YWHAG: variants seen among roughly 807,000 people sequenced by gnomAD.
YWHAG encodes the protein tyrosine 3-monooxygenase/tryptophan 5-monooxygenase activation protein gamma.
A neutral mutation model predicts 23.3 loss-of-function variants in YWHAG; 1 was observed. That is an observed-to-expected ratio of 0.04 (90% confidence interval 0.02 to 0.20). The LOEUF (loss-of-function observed/expected upper bound fraction) is 0.20, where lower values mean the gene tolerates loss of function less well. Among genes scored for constraint, YWHAG ranks in the 10% least tolerant of loss-of-function variants. The pLI is 1.00. For synonymous variants in YWHAG, 160 were observed against 144.0 expected (o/e 1.11, Z -0.80); for missense variants, 151 against 338.6 (o/e 0.45, Z 4.35).
intron 1 of YWHAG, among the ~76,000 whole-genome samples, chr7:76,338,443 G>C (rs1013641786): frequency 2.0e-5 from 3 of 152,014 alleles, no homozygotes; most frequent in Non-Finnish European, 1.5e-5. Flanking sequence ...CCACAAGGTG[G>C]GTATTACACT....
rs936153480 is a variant in YWHAG at position 76,358,959 on chromosome 7, C to A, written c.-151G>T. On this transcript the variant is annotated 5_prime_UTR_variant, in exon 1 of 2. Transcript: ENST00000307630. The stretch of plus-strand genomic sequence containing the variant: ...GGCTGCGCGGAGGAGGCGGCTGGAG[C>A]TGCGACCGCGGGACCGGGCGCGAGG... 5 of 648,940 alleles carry A rather than the reference C, an allele frequency of 7.7e-6. No homozygotes were observed. Among genetic ancestry groups the A allele is most frequent in the African/African-American group, 7.7e-5 (4 of 52,200 alleles). 40.2% of individuals were successfully genotyped at this position (648,940 alleles called of 1,614,324 possible).
intron 1 of YWHAG, among the ~76,000 whole-genome samples, chr7:76,331,881 T>G (rs997575174): frequency 6.6e-5 from 10 of 151,994 alleles, no homozygotes; most frequent in African/African-American, 2.2e-4. Context: ...ACGGGGGGTA[T>G]GCTTGGCAAA....
Position 76,329,703 on chromosome 7 carries a change from G to A in YWHAG, c.618C>T (p.Ala206=), listed in dbSNP as rs374125541. 7.2e-5 allele frequency: 117 copies of A among 1,614,108 alleles called. No homozygotes were observed. The highest frequency in any genetic ancestry group is 8.9e-5 in the East Asian group (4 of 44,898). ...LAKTAFDDAI[A]ELDTLNEDSY... is the part of the protein sequence containing the mutation. ...AGTCCTCGTTGAGGGTGTCAAGCTC[G>A]GCGATGGCGTCGTCGAACGCGGTCT... The change falls in exon 2 of 2, where the codon GCC becomes GCT. Residue 206 remains alanine, a synonymous_variant. Transcript: ENST00000307630. The surrounding 1 kb of genome is among the most constrained non-coding windows in gnomAD (Gnocchi z 6.1).
rs757708675 is a variant in YWHAG at position 76,329,931 on chromosome 7, G to A, written c.390C>T (p.Tyr130=). The A allele has an allele frequency of 1.2e-6, 2 of 1,614,166 alleles. No individual in the cohort carries two copies. Among genetic ancestry groups the A allele is most frequent in the Non-Finnish European group, 1.7e-6 (2 of 1,180,042 alleles). Residue 130 remains tyrosine (Y), a synonymous_variant, in exon 2 of 2, where the codon TAC becomes TAT. Transcript: ENST00000307630. The surrounding 1 kb of genome is among the most constrained non-coding windows in gnomAD (Gnocchi z 6.1). ...TGGCCACTTCAGCCAGGTAGCGGTA[G>A]TAGTCCCCTTTCATCTTCAGGTAGA... ...KVFYLKMKGD[Y]YRYLAEVATG...
intron 1 of YWHAG, among the ~76,000 whole-genome samples, chr7:76,348,876 GAA>G (rs76337176): frequency 6.6e-6 from 1 of 150,952 alleles, no homozygotes; most frequent in Admixed American, 6.6e-5. Context: ...CTTAGACTTT[GAA>G]AAAAAAAATT....
At chr7:76,352,800 C>T (rs968451128) in intron 1 of YWHAG, among the ~76,000 whole-genome samples, 4 of 152,108 alleles carry the variant, frequency 2.6e-5, no homozygotes, top group Non-Finnish European at 4.4e-5. Flanking sequence ...CAGGCATGCG[C>T]CACCATGCCC....
At chr7:76,347,630 T>C (rs948861200) in intron 1 of YWHAG, among the ~76,000 whole-genome samples, 1 of 152,118 alleles carries the variant, frequency 6.6e-6, no homozygotes, top group African/African-American at 2.4e-5. Context: ...TCTACGAAAA[T>C]ATCTTATATA....
At chr7:76,345,209 G>A (rs532807655) in intron 1 of YWHAG, among the ~76,000 whole-genome samples, 21 of 144,564 alleles carry the variant, frequency 1.5e-4, no homozygotes, top group Admixed American at 6.3e-4. Flanking sequence ...TTTTGGAGAC[G>A]GAGTCTCGCT....
At position 76,351,491 on chromosome 7, in the gene YWHAG, TA is replaced by T. The variant is rs549266293; in HGVS notation, c.87+7230del. Among the ~76,000 whole-genome samples the T allele has an allele frequency of 3.7e-3, 567 of 152,318 alleles. 1 individual carries two copies. The highest frequency in any genetic ancestry group is 0.013 in the African/African-American group (549 of 41,582). ...TGAAAATAATAACATCTATTCTCTA[TA>T]GTAGGGGTCCCCAACGGGTCCATGG... On this transcript the variant is annotated intron_variant, in intron 1 of 1. Transcript: ENST00000307630.
At chr7:76,356,613 C>T (rs923882613) in intron 1 of YWHAG, among the ~76,000 whole-genome samples, 1 of 152,156 alleles carries the variant, frequency 6.6e-6, no homozygotes, top group African/African-American at 2.4e-5. Context: ...GTGTCATAAA[C>T]TATATTCTTG....
rs35871141 is a variant in YWHAG at position 76,349,337 on chromosome 7, C to CAA, written c.87+9383_87+9384dup. On this transcript the variant is annotated intron_variant, in intron 1 of 1. Coordinates refer to ENST00000307630, the MANE Select transcript of YWHAG (RefSeq NM_012479.4). ...CTGGGCGACAGAGCAGACTCTGTCT[C>CAA]AAAAAAAAAAAAAAAAATACCAAAA... Among the ~76,000 whole-genome samples the CAA allele has an allele frequency of 2.4e-3, 283 of 118,918 alleles. 1 individual carries two copies. The highest frequency in any genetic ancestry group is 0.017 in the East Asian group (74 of 4,458). 78.0% of individuals were successfully genotyped at this position (118,918 alleles called of 152,430 possible). A position where few individuals can be genotyped will look rare whatever the true frequency, so the allele number is the denominator to read the frequency against.
intron 1 of YWHAG, among the ~76,000 whole-genome samples, chr7:76,333,743 G>A (rs183544439): frequency 2.0e-5 from 3 of 152,358 alleles, no homozygotes; most frequent in African/African-American, 7.2e-5. Flanking sequence ...TGCGAATGCT[G>A]AAGACAAACC....
intron 1 of YWHAG, among the ~76,000 whole-genome samples, chr7:76,339,198 G>A (rs866943042): frequency 5.9e-5 from 9 of 151,994 alleles, no homozygotes; most frequent in Admixed American, 1.3e-4. Context: ...GGCTGGGCGC[G>A]GTGGCTCACG....
At chr7:76,332,374 T>C (rs1803558241) in intron 1 of YWHAG, among the ~76,000 whole-genome samples, 1 of 152,214 alleles carries the variant, frequency 6.6e-6, no homozygotes, top group Non-Finnish European at 1.5e-5. Context: ...TAACGGAAGA[T>C]TGGGCTTTTC....
intron 1 of YWHAG, among the ~76,000 whole-genome samples, chr7:76,350,815 C>T (rs1803861868): frequency 6.6e-6 from 1 of 151,942 alleles, no homozygotes; most frequent in African/African-American, 2.4e-5. Context: ...CTGCACTCCA[C>T]CCTGAGCAAT....
chr7:76,352,565 GT>G (rs1350649456), intron 1 of YWHAG, among the ~76,000 whole-genome samples: 1 of 151,892 alleles, frequency 6.6e-6, no homozygotes. Context: ...AAGCCCAAGA[GT>G]TTATTTGGAA....
At chr7:76,355,438 A>G (rs541344603) in intron 1 of YWHAG, among the ~76,000 whole-genome samples, 38 of 152,348 alleles carry the variant, frequency 2.5e-4, no homozygotes, top group African/African-American at 8.9e-4. Flanking sequence ...AAAGCACTTA[A>G]TATCTGCTTC....
In YWHAG at chr7:76,329,498, C is replaced by G; in HGVS notation, c.*79G>C. 4.1e-6 allele frequency: 5 copies of G among 1,215,294 alleles called. No homozygotes were observed. The highest frequency in any genetic ancestry group is 1.5e-5 in the South Asian group (1 of 64,582). The allele number at this position is 1,215,294 out of a possible 1,614,324, so 75.3% of individuals were successfully genotyped here. A position where few individuals can be genotyped will look rare whatever the true frequency, so the allele number is the denominator to read the frequency against. ...AGGTCATCCCTCCCTTTCCCTCCCC[C>G]ACCCGACCCCCAACTCATGGGAAAA... On this transcript the variant is annotated 3_prime_UTR_variant, in exon 2 of 2. Coordinates refer to ENST00000307630, the MANE Select transcript of YWHAG (RefSeq NM_012479.4). This position sits in a 1 kb window ranked among gnomAD's most constrained non-coding sequence, Gnocchi z 6.1.
At chr7:76,341,842 C>T (rs1803698428) in intron 1 of YWHAG, among the ~76,000 whole-genome samples, 1 of 152,142 alleles carries the variant, frequency 6.6e-6, no homozygotes, top group Non-Finnish European at 1.5e-5. Flanking sequence ...TACTGAAAAC[C>T]ATTAAATTGC....
Sources: gnomAD v4.1 joint callset for allele counts (sites outside exome capture counted in the v4.1 genomes callset) on GRCh38, gnomAD v4.1.1 for gene constraint, Gnocchi (gnomAD v3.1) non-coding constraint, MANE v1.5 for transcripts, NCBI Gene and HGNC (gene_info 2026-07-23, HGNC 2026-07-21) for gene names.